DOP1A: variants seen among roughly 807,000 people sequenced by gnomAD.
DOP1A encodes the protein protein DOP1A.
A neutral mutation model predicts 267.6 loss-of-function variants in DOP1A; 90 were observed. The observed-to-expected ratio is 0.34, with a 90% CI of 0.28 to 0.40. The LOEUF is 0.40. DOP1A is among the 10% of genes least tolerant of loss of function. The pLI, the probability that DOP1A is intolerant of heterozygous loss-of-function variation, is 1.00. For synonymous variants in DOP1A, 932 were observed against 999.1 expected (o/e 0.93, Z 1.27); for missense variants, 2,437 against 2,900.4 (o/e 0.84, Z 3.67).
At chr6:83,087,793 G>A (rs561085667) in intron 1 of DOP1A, among the ~76,000 whole-genome samples, 3 of 152,330 alleles carry the variant, frequency 2.0e-5, no homozygotes, top group African/African-American at 7.2e-5. Context: ...CTTGTCCTCA[G>A]AGAATAATTA....
chr6:83,161,497 C>T (rs187129957), intron 37 of DOP1A, among the ~76,000 whole-genome samples: 2 of 152,130 alleles, frequency 1.3e-5, no homozygotes, highest in East Asian at 1.9e-4. Context: ...AAGATATTTT[C>T]GATGTATATG....
At chr6:83,099,453 A>G (rs1343031159) in intron 3 of DOP1A, among the ~76,000 whole-genome samples, 2 of 152,034 alleles carry the variant, frequency 1.3e-5, no homozygotes, top group East Asian at 1.9e-4. Context: ...TTTTTTTCCT[A>G]AAGAGTTTTG....
chr6:83,086,480 G>C (rs973615979), intron 1 of DOP1A, among the ~76,000 whole-genome samples: 2 of 152,050 alleles, frequency 1.3e-5, no homozygotes, highest in African/African-American at 4.8e-5. Context: ...GAAAATCCAC[G>C]AAGAAACGGA....
At chr6:83,129,880 T>C (rs1777758967) in intron 16 of DOP1A, among the ~76,000 whole-genome samples, 1 of 152,192 alleles carries the variant, frequency 6.6e-6, no homozygotes, top group African/African-American at 2.4e-5. Context: ...TTGATCAATA[T>C]ACTGTTTTTC....
Position 83,138,546 on chromosome 6 carries a change from AAAGT to A in DOP1A, c.4507_4510del (p.Val1503Ter). The A allele has an allele frequency of 6.2e-7, 1 of 1,613,852 alleles. No individual in the cohort carries two copies. Among genetic ancestry groups the A allele is most frequent in the Non-Finnish European group, 8.5e-7 (1 of 1,179,934 alleles). ...GACACTACTCTTCACTGAGCTGGCA[AAAGT>A]AATAGAAAGCTCAGCGAAGGGTTTC... On this transcript the variant is annotated frameshift_variant, in exon 21 of 39. Transcript: ENST00000349129. LOFTEE classifies it high-confidence loss of function.
intron 1 of DOP1A, among the ~76,000 whole-genome samples, chr6:83,070,889 A>G (rs938282372): frequency 6.6e-6 from 1 of 152,224 alleles, no homozygotes; most frequent in Admixed American, 6.5e-5. Flanking sequence ...CCTGTTTGGC[A>G]TACTTCCTGT....
At chr6:83,167,734 G>A in intron 38 of DOP1A, 128 bp from the exon 39 acceptor site, 1 of 1,445,986 alleles carries the variant, frequency 6.9e-7, no homozygotes, top group South Asian at 1.5e-5. Flanking sequence ...GATCAGGTCA[G>A]GAGTTAGAAA....
intron 9 of DOP1A, 108 bp from the exon 10 acceptor site, chr6:83,120,574 TG>T: frequency 1.3e-6 from 1 of 768,180 alleles, no homozygotes; most frequent in Non-Finnish European, 1.9e-6. Context: ...AAAGCAATAG[TG>T]GGTATAAGTC....
intron 1 of DOP1A, among the ~76,000 whole-genome samples, chr6:83,088,875 G>A (rs971273850): frequency 6.6e-5 from 10 of 152,140 alleles, no homozygotes; most frequent in African/African-American, 2.2e-4. Flanking sequence ...ATTATTAATG[G>A]TTACATCTGT....
chr6:83,102,617 C>T (rs995375022), intron 4 of DOP1A, among the ~76,000 whole-genome samples: 2 of 152,212 alleles, frequency 1.3e-5, no homozygotes, highest in African/African-American at 4.8e-5. Context: ...GCTCAGGCTT[C>T]GTCACTGGCC....
At chr6:83,072,646 A>G (rs1785812690) in intron 1 of DOP1A, among the ~76,000 whole-genome samples, 1 of 152,248 alleles carries the variant, frequency 6.6e-6, no homozygotes, top group Non-Finnish European at 1.5e-5. Context: ...AGAAAATCAT[A>G]AAAATACTGC....
rs375762581 is a variant in DOP1A, at chr6:83,092,566, C to A, written c.-146-4165C>A. ...GGACAGTAGTGTCCCTCCCCCCCCC[C>A]CCACCATATTCACCAGGGATATGTT... On this transcript the variant is annotated intron_variant, in intron 1 of 38. Coordinates refer to ENST00000349129, the MANE Select transcript of DOP1A (RefSeq NM_015018.4). 2.9e-3 allele frequency among the ~76,000 whole-genome samples: 351 copies of A among 119,050 alleles called. 8 individuals carry two copies. The highest frequency in any genetic ancestry group is 0.02 in the South Asian group (58 of 2,842). 78.1% of individuals were successfully genotyped at this position (119,050 alleles called of 152,430 possible). A position where few individuals can be genotyped will look rare whatever the true frequency, so the allele number is the denominator to read the frequency against.
At chr6:83,078,817 G>A (rs916476151) in intron 1 of DOP1A, among the ~76,000 whole-genome samples, 5 of 152,070 alleles carry the variant, frequency 3.3e-5, no homozygotes, top group Admixed American at 2.6e-4. Flanking sequence ...ATTCTATTAC[G>A]TGCTTCAGAA....
At chr6:83,088,954 T>TA (rs1353876508) in intron 1 of DOP1A, among the ~76,000 whole-genome samples, 2 of 152,234 alleles carry the variant, frequency 1.3e-5, no homozygotes, top group African/African-American at 4.8e-5. Flanking sequence ...CATCTACTTA[T>TA]ATAGCTTTTT....
chr6:83,117,567 T>A (rs1401904036), intron 7 of DOP1A, among the ~76,000 whole-genome samples: 1 of 152,232 alleles, frequency 6.6e-6, no homozygotes, highest in Non-Finnish European at 1.5e-5. Context: ...TGTGAAAATA[T>A]AATGATTACA....
downstream of DOP1A, chr6:83,169,181 G>T: frequency 6.2e-7 from 1 of 1,605,444 alleles, no homozygotes; most frequent in South Asian, 1.1e-5. Flanking sequence ...ATTATTGACA[G>T]TTTTGTAAAG....
At chr6:83,120,209 AT>A (rs1368859702) in intron 9 of DOP1A, among the ~76,000 whole-genome samples, 1 of 151,934 alleles carries the variant, frequency 6.6e-6, no homozygotes, top group Admixed American at 6.6e-5. Context: ...ATTTCATATT[AT>A]TTTTAATTCA....
In DOP1A at chr6:83,109,047, C is replaced by G; in HGVS notation, c.458C>G (p.Pro153Arg). ...GLQGLLTGIL[P>R]GLEEGSEYYE... ...CAGGGATTGCTTACTGGTATTCTTC[C>G]TGGCTTAGAAGAAGGATCAGAGTAC... Residue 153 changes from proline to arginine, a missense_variant, in exon 5 of 39, where the codon CCT becomes CGT. Coordinates refer to ENST00000349129, the MANE Select transcript of DOP1A (RefSeq NM_015018.4). 6.2e-7 allele frequency: 1 copy of G among 1,613,356 alleles called. No homozygotes were observed. The highest frequency in any genetic ancestry group is 8.5e-7 in the Non-Finnish European group (1 of 1,179,814).
intron 4 of DOP1A, 109 bp downstream of exon 4, chr6:83,100,995 T>C (rs1772464966): frequency 1.5e-6 from 1 of 656,918 alleles, no homozygotes; most frequent in South Asian, 6.9e-5. Flanking sequence ...CCTTAGTGAT[T>C]AGAAGTTTTC....
Sources: allele counts gnomAD v4.1 joint callset (sites outside exome capture counted in the v4.1 genomes callset), GRCh38; gene constraint gnomAD v4.1.1; transcripts MANE v1.5; gene names NCBI Gene and HGNC (gene_info 2026-07-23, HGNC 2026-07-21).